ANKRD30A: variants seen among roughly 807,000 people sequenced by gnomAD.
The protein encoded by ANKRD30A is ankyrin repeat domain-containing protein 30A.
Under a neutral mutation model 166.3 loss-of-function variants are expected in ANKRD30A, and 170 were observed. The ratio of observed to expected loss-of-function variants is 1.02; its 90% CI spans 0.90 to 1.16. The LOEUF is 1.16. Among genes scored for constraint, ANKRD30A ranks in the 50% most tolerant of loss-of-function variants. ANKRD30A has a pLI of 0.00. For synonymous variants in ANKRD30A, 564 were observed against 508.9 expected, an observed-to-expected ratio of 1.11 and a Z score of -1.46; for missense variants, 1,630 against 1,518.0, an observed-to-expected ratio of 1.07 and a Z score of -1.23.
chr10:37,150,660 T>C, intron 11 of ANKRD30A, among the ~76,000 whole-genome samples: 1 of 152,098 alleles, frequency 6.6e-6, no homozygotes, highest in South Asian at 2.1e-4. Flanking sequence ...TTTAGTGACA[T>C]CCATAAAGGA....
At chr10:37,199,866 T>C (rs1841481956) in intron 30 of ANKRD30A, 78 bp downstream of exon 30, 1 of 872,280 alleles carries the variant, frequency 1.1e-6, no homozygotes. Context: ...TAGACTTTAT[T>C]TTCTCACCTC....
intron 31 of ANKRD30A, among the ~76,000 whole-genome samples, chr10:37,212,944 AC>A (rs1283465035): frequency 6.6e-6 from 1 of 151,854 alleles, no homozygotes; most frequent in African/African-American, 2.4e-5. Context: ...TTATATTATT[AC>A]CATGTATTTT....
chr10:37,245,880 G>A, the ANKRD30A span, among the ~76,000 whole-genome samples: 7 of 152,146 alleles, frequency 4.6e-5, no homozygotes, highest in African/African-American at 2.4e-5. Context: ...GGCCCTAAAT[G>A]TTGCCTACAG....
chr10:37,237,426 G>T (rs1297272687), downstream of ANKRD30A, among the ~76,000 whole-genome samples: 1 of 152,166 alleles, frequency 6.6e-6, no homozygotes, highest in Non-Finnish European at 1.5e-5. Flanking sequence ...CTAAAGAAAG[G>T]ATGGAGGCTC....
chr10:37,228,248 TTTG>T (rs1273289513), intron 34 of ANKRD30A, among the ~76,000 whole-genome samples: 7 of 152,052 alleles, frequency 4.6e-5, no homozygotes, highest in Non-Finnish European at 8.8e-5. Flanking sequence ...CAAAGCTAAT[TTTG>T]TTGTATGATA....
chr10:37,192,259 G>T (rs1460633886), intron 25 of ANKRD30A, among the ~76,000 whole-genome samples: 1 of 151,906 alleles, frequency 6.6e-6, no homozygotes, highest in African/African-American at 2.4e-5. Context: ...GGCCAGGCTG[G>T]TTTGGAACTC....
chr10:37,157,125 A>T (rs942070282), intron 13 of ANKRD30A, among the ~76,000 whole-genome samples: 1 of 152,196 alleles, frequency 6.6e-6, no homozygotes, highest in Non-Finnish European at 1.5e-5. Flanking sequence ...AAGACATGAG[A>T]TCTATTTCTA....
chr10:37,156,343 A>C (rs1183289340), intron 13 of ANKRD30A, among the ~76,000 whole-genome samples: 1 of 152,090 alleles, frequency 6.6e-6, no homozygotes, highest in Non-Finnish European at 1.5e-5. Flanking sequence ...CTGATTCTAA[A>C]CAACTCCAGT....
intron 31 of ANKRD30A, among the ~76,000 whole-genome samples, chr10:37,215,460 T>A (rs1347717819): frequency 1.3e-5 from 2 of 151,380 alleles, no homozygotes; most frequent in Non-Finnish European, 3.0e-5. Flanking sequence ...CTCAGTGTTT[T>A]GTTCTGTAAT....
rs145552665 is a variant in ANKRD30A, at chr10:37,204,750, C to T, written c.2869+3425C>T. 9.4e-3 allele frequency among the ~76,000 whole-genome samples: 1,422 copies of T among 152,012 alleles called. 31 individuals are homozygous for T. Among genetic ancestry groups the T allele is most frequent in the African/African-American group, 0.032 (1,344 of 41,470 alleles). ...CAGAATCTACAAAAACTTAAGTTTA[C>T]AAGAAAAAATCAAACACCCCATGAA... On this transcript the variant is annotated intron_variant, in intron 31 of 35. Transcript: ENST00000361713.
At chr10:37,235,448 G>T (rs528838038), downstream of ANKRD30A, among the ~76,000 whole-genome samples, 13 of 152,198 alleles carry the variant, frequency 8.5e-5, no homozygotes, top group African/African-American at 3.1e-4. Context: ...AAACTTATTT[G>T]ATTATGCTAC....
chr10:37,254,148 A>G, the ANKRD30A span, among the ~76,000 whole-genome samples: 1 of 152,204 alleles, frequency 6.6e-6, no homozygotes, highest in African/African-American at 2.4e-5. Context: ...GCTATTATTA[A>G]TAATTATGGT....
chr10:37,219,572 AC>A lies in ANKRD30A; in HGVS notation c.3862del (p.Gln1288AsnfsTer8). The A allele has an allele frequency of 1.2e-6, 2 of 1,610,382 alleles. No homozygotes were observed. Among genetic ancestry groups the A allele is most frequent in the Middle Eastern group, 1.7e-4 (1 of 6,040 alleles). On this transcript the variant is annotated frameshift_variant, in exon 34 of 36. Transcript: ENST00000361713. LOFTEE classifies it high-confidence loss of function. ...NTLVSEHAQRDQRETQCQMKE... is the reference protein window; with the variant it reads ...NTLVSEHAQRXQRETQCQMKE... ...TTGGTTTCAGAACATGCACAAAGAGACCAACGTGAAACACAGTGTCAAATGA... is the reference window on the plus strand; with the variant it reads ...TTGGTTTCAGAACATGCACAAAGAGACAACGTGAAACACAGTGTCAAATGA...
At chr10:37,259,853 G>T in the ANKRD30A span, among the ~76,000 whole-genome samples, 1 of 152,132 alleles carries the variant, frequency 6.6e-6, no homozygotes, top group Non-Finnish European at 1.5e-5. Flanking sequence ...AGGGGGCTCC[G>T]GGTGTTTGTA....
chr10:37,190,441 G>T (rs1279609433), intron 25 of ANKRD30A, among the ~76,000 whole-genome samples: 1 of 151,718 alleles, frequency 6.6e-6, no homozygotes, highest in Non-Finnish European at 1.5e-5. Flanking sequence ...CAGGGGAGAA[G>T]AAGAAAGGAG....
At chr10:37,152,242 T>C (rs902810623) in intron 12 of ANKRD30A, 121 bp downstream of exon 12, 2 of 807,854 alleles carry the variant, frequency 2.5e-6, no homozygotes, top group African/African-American at 3.5e-5. Context: ...ATTTTTGATA[T>C]TTTTCAGAAT....
chr10:37,162,975 A>G (rs546094446), intron 17 of ANKRD30A, 127 bp downstream of exon 17: 1 of 1,218,708 alleles, frequency 8.2e-7, no homozygotes, highest in African/African-American at 1.5e-5. Context: ...TAATGCCAAT[A>G]CTGGTATTGA....
intron 31 of ANKRD30A, among the ~76,000 whole-genome samples, chr10:37,210,147 G>A (rs1424698820): frequency 6.6e-6 from 1 of 151,694 alleles, no homozygotes; most frequent in Non-Finnish European, 1.5e-5. Flanking sequence ...GGTGTGTGAT[G>A]TTCCCCTCCC....
chr10:37,198,815 G>T (rs546895672), intron 29 of ANKRD30A, among the ~76,000 whole-genome samples: 1 of 152,058 alleles, frequency 6.6e-6, no homozygotes, highest in African/African-American at 2.4e-5. Flanking sequence ...TGATGAAATG[G>T]TCTTTTAAGT....
Sources: allele counts gnomAD v4.1 joint callset (sites outside exome capture counted in the v4.1 genomes callset), GRCh38; gene constraint gnomAD v4.1.1; transcripts MANE v1.5; gene names NCBI Gene and HGNC (gene_info 2026-07-23, HGNC 2026-07-21).